IAH1: variants seen among roughly 807,000 people sequenced by gnomAD.
IAH1 encodes the protein isoamyl acetate hydrolyzing esterase 1 (putative).
IAH1 carries 24 observed loss-of-function variants against 26.7 expected under a neutral mutation model. That is an observed-to-expected ratio of 0.90 (90% CI 0.65 to 1.26). The LOEUF (loss-of-function observed/expected upper bound fraction) is 1.26. IAH1 is among the 50% of genes most tolerant of loss of function. The probability of loss-of-function intolerance (pLI) is 0.00; values close to 1 mark genes in which losing one functional copy is unlikely to be tolerated. For synonymous variants in IAH1, 140 were observed against 118.5 expected (o/e 1.18, Z -1.18); for missense variants, 300 against 299.9 (o/e 1.00, Z 0.00).
chr2:9,505,389 G>T, the IAH1 span: 5 of 1,586,216 alleles, frequency 3.2e-6, no homozygotes, highest in Non-Finnish European at 3.5e-6. Flanking sequence ...AGGCAATAAG[G>T]ACCCAAAATA....
the IAH1 span, chr2:9,502,328 T>C: frequency 1.6e-5 from 23 of 1,479,476 alleles, 1 homozygote; most frequent in South Asian, 2.5e-4. Context: ...TGGCCCCATA[T>C]CAAATCAAAC....
chr2:9,503,959 CT>C, the IAH1 span, among the ~76,000 whole-genome samples: 1 of 151,934 alleles, frequency 6.6e-6, no homozygotes, highest in Admixed American at 6.6e-5. Context: ...TTACAACAAG[CT>C]TGGGCAACAT....
chr2:9,505,937 C>G, the IAH1 span, among the ~76,000 whole-genome samples: 10 of 152,072 alleles, frequency 6.6e-5, no homozygotes, highest in Admixed American at 4.6e-4. Context: ...CAATTGTTAC[C>G]TAAACATTTT....
chr2:9,487,842 G>GCA lies in IAH1; in HGVS notation c.565-304_565-303insAC, dbSNP rs1447499506. Among the ~76,000 whole-genome samples, 808 of 139,592 alleles carry GCA rather than the reference G, an allele frequency of 5.8e-3. 5 individuals carry two copies. Among genetic ancestry groups the GCA allele is most frequent in the African/African-American group, 0.022 (762 of 34,098 alleles). The allele number at this position is 139,592 out of a possible 152,430, so 91.6% of individuals were successfully genotyped here. ...TGTGTGTGTGTGTGTGTGCGCGCGC[G>GCA]CGCGCGCGCTGTGGGGGGAGACAGT... On this transcript the variant is annotated intron_variant, in intron 5 of 5. Transcript: ENST00000497473.
At chr2:9,476,914 A>G (rs1295205235) in intron 2 of IAH1, among the ~76,000 whole-genome samples, 2 of 152,092 alleles carry the variant, frequency 1.3e-5, no homozygotes, top group South Asian at 2.1e-4. Flanking sequence ...AGGCCTGACA[A>G]CTCTGTCACA....
intron 2 of IAH1, among the ~76,000 whole-genome samples, chr2:9,477,200 CAG>C (rs1572831301): frequency 1.3e-5 from 2 of 152,268 alleles, no homozygotes; most frequent in South Asian, 4.1e-4. Context: ...TGAGCAGTGT[CAG>C]AAAGTGTCCC....
chr2:9,488,562 C>T lies in IAH1; in HGVS notation c.*233C>T, dbSNP rs569371311. 11 of 351,294 alleles carry T rather than the reference C, an allele frequency of 3.1e-5. No homozygotes were observed. Among genetic ancestry groups the T allele is most frequent in the Admixed American group, 2.7e-4 (6 of 22,040 alleles). 21.8% of individuals were successfully genotyped at this position (351,294 alleles called of 1,614,324 possible). On this transcript the variant is annotated 3_prime_UTR_variant, in exon 6 of 6. Transcript: ENST00000497473. ...ATATACCCTGAGCAGCTTGTTAATT[C>T]TATAAATGACAAAGACTATGTTTTT...
At chr2:9,497,421 G>A (rs1279182243), downstream of IAH1, among the ~76,000 whole-genome samples, 2 of 152,212 alleles carry the variant, frequency 1.3e-5, no homozygotes, top group African/African-American at 2.4e-5. Flanking sequence ...CATTTAAATG[G>A]GAGTGCCTGG....
chr2:9,488,121 C>T, intron 5 of IAH1, 26 bp from the exon 6 acceptor site: 1 of 1,551,586 alleles, frequency 6.4e-7, no homozygotes, highest in East Asian at 2.3e-5. Flanking sequence ...AGTTACCCAC[C>T]TTTAACCGAT....
the IAH1 span, among the ~76,000 whole-genome samples, chr2:9,510,834 A>G: frequency 6.6e-6 from 1 of 152,234 alleles, no homozygotes; most frequent in Non-Finnish European, 1.5e-5. Context: ...TTTGTCTCAA[A>G]AAAGAGTAAT....
chr2:9,490,824 A>T (rs1662072868), downstream of IAH1, among the ~76,000 whole-genome samples: 1 of 152,212 alleles, frequency 6.6e-6, no homozygotes, highest in African/African-American at 2.4e-5. Context: ...CCCAAGAGAG[A>T]AATTGAACTC....
intron 2 of IAH1, 122 bp from the exon 3 acceptor site, chr2:9,478,100 G>T: frequency 1.3e-6 from 1 of 771,368 alleles, no homozygotes; most frequent in Non-Finnish European, 2.0e-6. Context: ...GAAACCTGGG[G>T]GTGGCTCAGA....
At chr2:9,489,980 A>ATTCACC (rs1192622477), downstream of IAH1, 3 of 518,206 alleles carry the variant, frequency 5.8e-6, no homozygotes, top group Non-Finnish European at 6.7e-6. Context: ...AATAAGCTAG[A>ATTCACC]TTCACCTTCA....
At chr2:9,482,820 C>T (rs1315860684) in intron 4 of IAH1, among the ~76,000 whole-genome samples, 1 of 152,222 alleles carries the variant, frequency 6.6e-6, no homozygotes, top group Non-Finnish European at 1.5e-5. Flanking sequence ...AAACCCCAGC[C>T]TGCGGGACGT....
chr2:9,478,198 T>C, intron 2 of IAH1, 24 bp from the exon 3 acceptor site: 1 of 1,589,264 alleles, frequency 6.3e-7, no homozygotes, highest in Non-Finnish European at 8.6e-7. Context: ...CCACAATTCA[T>C]CTTTTTAAAA....
intron 4 of IAH1, among the ~76,000 whole-genome samples, chr2:9,482,828 C>T (rs974749335): frequency 2.0e-5 from 3 of 152,206 alleles, no homozygotes; most frequent in African/African-American, 4.8e-5. Context: ...GCCTGCGGGA[C>T]GTGGTGACAG....
intron 5 of IAH1, among the ~76,000 whole-genome samples, chr2:9,487,788 T>TTGTGTGTGTGTGTGTG (rs70948823): frequency 1.3e-4 from 18 of 134,030 alleles, no homozygotes; most frequent in African/African-American, 4.3e-4. Flanking sequence ...CCCGGCCTTT[T>TTGTGTGTGTGTGTGTG]TGTGTGTGTG....
chr2:9,487,349 GTTCT>G (rs1661570465), intron 5 of IAH1: 1 of 152,138 alleles, frequency 6.6e-6, no homozygotes, highest in African/African-American at 2.4e-5. Context: ...GATGGTAGAA[GTTCT>G]TTCTGCCTAA....
chr2:9,510,144 G>A, the IAH1 span: 1 of 1,613,740 alleles, frequency 6.2e-7, no homozygotes, highest in Non-Finnish European at 8.5e-7. Flanking sequence ...TAAGGATCAT[G>A]CAAAGAAAAC....
Sources: allele counts gnomAD v4.1 joint callset (sites outside exome capture counted in the v4.1 genomes callset), GRCh38; gene constraint gnomAD v4.1.1; transcripts MANE v1.5; gene names NCBI Gene and HGNC (gene_info 2026-07-23, HGNC 2026-07-21).